Variants in HSD17B4 observed in about 807,000 individuals in gnomAD.
The protein encoded by HSD17B4 is peroxisomal multifunctional enzyme type 2.
In HSD17B4, 70 loss-of-function variants were observed where a neutral mutation model predicts 101.0. The observed-to-expected ratio is 0.69, with a 90% CI of 0.57 to 0.85. HSD17B4 has a LOEUF of 0.85. Ranked by LOEUF, HSD17B4 falls within the 40% of genes least tolerant of loss-of-function variation. The pLI is 0.00. For missense variants in HSD17B4, 984 were observed against 892.4 expected (o/e 1.10, Z -1.31); for synonymous variants, 347 against 297.1 (o/e 1.17, Z -1.73).
At chr5:119,515,379 A>G (rs1246961456) in intron 17 of HSD17B4, among the ~76,000 whole-genome samples, 1 of 152,154 alleles carries the variant, frequency 6.6e-6, no homozygotes, top group Non-Finnish European at 1.5e-5. Context: ...CCTCAGAGTA[A>G]GTGCAGGATA....
intron 10 of HSD17B4, 33 bp from the exon 11 acceptor site, chr5:119,493,785 T>C: frequency 6.2e-7 from 1 of 1,604,068 alleles, no homozygotes; most frequent in Non-Finnish European, 8.5e-7. Context: ...CTCAACTATG[T>C]GCTCAGTATG....
At chr5:119,523,948 G>T (rs1484899430) in intron 17 of HSD17B4, among the ~76,000 whole-genome samples, 1 of 152,104 alleles carries the variant, frequency 6.6e-6, no homozygotes, top group Non-Finnish European at 1.5e-5. Flanking sequence ...CCATGATCTA[G>T]CATGTGTTTG....
At chr5:119,500,902 C>CT (rs757621863) in intron 13 of HSD17B4, among the ~76,000 whole-genome samples, 3 of 152,026 alleles carry the variant, frequency 2.0e-5, no homozygotes, top group Non-Finnish European at 2.9e-5. Context: ...GGTTATGAGC[C>CT]TGGTAATAAT....
chr5:119,531,321 A>G lies in HSD17B4; in HGVS notation c.1910A>G (p.Asp637Gly), dbSNP rs1392227934. The part of the protein sequence containing the change: ...VFEEIGRRLK[D>G]IGPEVVKKVN... ...GAGGAAATAGGACGCCGCCTAAAGG[A>G]TATTGGGCCTGAGGTGGTGAAGAAA... The change falls in exon 22 of 24, where the codon GAT (aspartate) becomes GGT (glycine). Residue 637 changes from aspartate to glycine, a missense_variant. Physicochemically the swap from Asp to Gly is moderately conservative, Grantham distance 94 (BLOSUM62 -1). Transcript: ENST00000510025. 6.2e-7 allele frequency: 1 copy of G among 1,613,054 alleles called. No individual in the cohort carries two copies. The highest frequency in any genetic ancestry group is 8.5e-7 in the Non-Finnish European group (1 of 1,179,184).
At position 119,475,833 on chromosome 5, in the gene HSD17B4, G is replaced by C. The variant is rs965210507; in HGVS notation, c.312G>C (p.Arg104Ser). The C allele has an allele frequency of 6.2e-7, 1 of 1,603,774 alleles. No homozygotes were observed. Among genetic ancestry groups the C allele is most frequent in the African/African-American group, 1.3e-5 (1 of 74,728 alleles). Residue 104 changes from arginine (R) to serine (S), a missense_variant, in exon 6 of 24, where the codon AGG (arginine) becomes AGC (serine). By Grantham distance (110) the Arg-to-Ser change is moderately radical. Coordinates refer to ENST00000510025, the MANE Select transcript of HSD17B4 (RefSeq NM_000414.4). ...AACATTGATTTTTTAGAATTCTGAGGGATCGTTCCTTTGCTAGGATAAGTG... is the reference window on the plus strand; with the variant it reads ...AACATTGATTTTTTAGAATTCTGAGCGATCGTTCCTTTGCTAGGATAAGTG... ...DVVVNNAGILRDRSFARISDE... is the reference protein window; with the variant it reads ...DVVVNNAGILSDRSFARISDE...
At chr5:119,468,916 T>C (rs1469920089) in intron 2 of HSD17B4, among the ~76,000 whole-genome samples, 2 of 151,896 alleles carry the variant, frequency 1.3e-5, no homozygotes, top group Non-Finnish European at 2.9e-5. Context: ...ATTGTATTTT[T>C]AAATTTCATT....
chr5:119,469,150 A>G (rs1248529903), intron 2 of HSD17B4, among the ~76,000 whole-genome samples: 4 of 151,492 alleles, frequency 2.6e-5, no homozygotes. Flanking sequence ...TGTATTATCT[A>G]TCTATATTTT....
Position 119,478,976 on chromosome 5 carries a change from G to A in HSD17B4, c.577G>A (p.Ala193Thr), listed in dbSNP as rs897274090. ...AAGCAACATTCATTGTAACACCATT[G>A]CTCCTAATGCGGGATCACGGATGAC... The part of the protein sequence containing the change: ...RKSNIHCNTI[A>T]PNAGSRMTQT... Residue 193 changes from alanine to threonine, a missense_variant, in exon 8 of 24, where the codon GCT (alanine) becomes ACT (threonine). By Grantham distance (58) the Ala-to-Thr change is moderately conservative (BLOSUM62 0). Transcript: ENST00000510025. The A allele has an allele frequency of 2.5e-6, 4 of 1,613,514 alleles. No individual in the cohort carries two copies. The African/African-American group carries it at 5.3e-5, about 22-fold the overall frequency.
At chr5:119,522,521 G>T (rs1375215516) in intron 17 of HSD17B4, among the ~76,000 whole-genome samples, 2 of 152,056 alleles carry the variant, frequency 1.3e-5, no homozygotes, top group African/African-American at 4.8e-5. Flanking sequence ...TTAGTTTTAT[G>T]TTAGTGTTGT....
intron 1 of HSD17B4, 139 bp downstream of exon 1, chr5:119,452,772 C>T: frequency 6.4e-7 from 1 of 1,565,590 alleles, no homozygotes; most frequent in Non-Finnish European, 8.6e-7. Context: ...TCTTGAGGCA[C>T]CGCATCTCTT....
chr5:119,528,992 G>T (rs1753831395), intron 20 of HSD17B4, among the ~76,000 whole-genome samples: 1 of 151,858 alleles, frequency 6.6e-6, no homozygotes, highest in South Asian at 2.1e-4. Context: ...TGCTTGATTT[G>T]GTAACAATAA....
chr5:119,535,093 A>G (rs1270429385), intron 22 of HSD17B4, among the ~76,000 whole-genome samples: 1 of 151,914 alleles, frequency 6.6e-6, no homozygotes, highest in East Asian at 1.9e-4. Flanking sequence ...ATTTTTTTCC[A>G]TCATATGTGT....
At position 119,526,000 on chromosome 5, in the gene HSD17B4, G is replaced by A. The variant is rs149141475; in HGVS notation, c.1657G>A (p.Val553Met). 5 of 1,602,066 alleles carry A rather than the reference G, an allele frequency of 3.1e-6. No individual in the cohort carries two copies. Among genetic ancestry groups the A allele is most frequent in the African/African-American group, 1.3e-5 (1 of 74,754 alleles). Residue 553 changes from valine (V) to methionine (M), a missense_variant, in exon 19 of 24, where the codon GTG becomes ATG. Coordinates refer to ENST00000510025, the MANE Select transcript of HSD17B4 (RefSeq NM_000414.4). ...GTTACAGCAGTTTGCAGATAATGAT[G>A]TGTCAAGATTCAAGGCAATTAAGGT... ...RVLQQFADND[V>M]SRFKAIKARF...
chr5:119,509,274 T>C, intron 16 of HSD17B4, 30 bp downstream of exon 16: 1 of 1,245,220 alleles, frequency 8.0e-7, no homozygotes, highest in Non-Finnish European at 1.2e-6. Context: ...GCAAAATATA[T>C]GTGTAGTTAA....
chr5:119,452,623 C>T lies in HSD17B4; in HGVS notation c.48C>T (p.Gly16=). The T allele has an allele frequency of 2.5e-6, 4 of 1,613,868 alleles. No homozygotes were observed. Among genetic ancestry groups the T allele is most frequent in the Non-Finnish European group, 3.4e-6 (4 of 1,179,962 alleles). Residue 16 remains glycine (G), a synonymous_variant, in exon 1 of 24, where the codon GGC becomes GGT. Coordinates refer to ENST00000510025, the MANE Select transcript of HSD17B4 (RefSeq NM_000414.4). ...ACGGGCGGGTGGTACTGGTCACCGG[C>T]GCGGGGGCAGGTGAGCATGCGAAGG... ...RFDGRVVLVT[G]AGAGLGRAYA...
At chr5:119,499,194 A>T (rs1750923558) in intron 12 of HSD17B4, 123 bp from the exon 13 acceptor site, 10 of 684,692 alleles carry the variant, frequency 1.5e-5, no homozygotes, top group Middle Eastern at 3.8e-4. Context: ...TGCAATAATT[A>T]TGCTCCATCA....
At chr5:119,509,554 T>C in intron 16 of HSD17B4, 1 of 429,212 alleles carries the variant, frequency 2.3e-6, no homozygotes. Flanking sequence ...AGTTTCTTCT[T>C]CCTCTTCTTC....
intron 21 of HSD17B4, among the ~76,000 whole-genome samples, chr5:119,530,860 A>AC (rs1261886561): frequency 1.5e-5 from 2 of 131,876 alleles, no homozygotes; most frequent in East Asian, 2.3e-4. Context: ...AAAAAAAAAA[A>AC]AAACAAAAAA....
At chr5:119,489,894 A>G (rs979022129) in intron 9 of HSD17B4, among the ~76,000 whole-genome samples, 8 of 152,110 alleles carry the variant, frequency 5.3e-5, no homozygotes, top group African/African-American at 1.9e-4. Context: ...ACATAATCCC[A>G]TCATGCAGTG....
Sources: allele counts gnomAD v4.1 joint callset (sites outside exome capture counted in the v4.1 genomes callset), GRCh38; gene constraint gnomAD v4.1.1; transcripts MANE v1.5; gene names NCBI Gene and HGNC (gene_info 2026-07-23, HGNC 2026-07-21).